FHOD3: variants seen among roughly 807,000 people sequenced by gnomAD.
The protein encoded by FHOD3 is FH1/FH2 domain-containing protein 3.
A neutral mutation model predicts 173.0 loss-of-function variants in FHOD3; 90 were observed. The observed-to-expected ratio is 0.52, with a 90% CI of 0.44 to 0.62. The LOEUF (loss-of-function observed/expected upper bound fraction) is 0.62. Among genes scored for constraint, FHOD3 ranks in the 20% least tolerant of loss-of-function variants. The pLI is 0.00. For missense variants in FHOD3, 1,945 were observed against 2,034.7 expected (o/e 0.96, Z 0.85); for synonymous variants, 828 against 823.0 (o/e 1.01, Z -0.10).
intron 3 of FHOD3, among the ~76,000 whole-genome samples, chr18:36,460,852 GATT>G (rs376627403): frequency 1.3e-5 from 2 of 152,324 alleles, no homozygotes; most frequent in Non-Finnish European, 2.9e-5. Flanking sequence ...GCACAGAGGA[GATT>G]ATTATTAGGT....
chr18:36,670,032 T>C (rs896432992), intron 14 of FHOD3, among the ~76,000 whole-genome samples: 4 of 152,032 alleles, frequency 2.6e-5, no homozygotes, highest in African/African-American at 9.7e-5. Context: ...AGCGTTTTTT[T>C]TTCTTTCAGT....
chr18:36,472,651 CA>C (rs2053348551), intron 3 of FHOD3, among the ~76,000 whole-genome samples: 2 of 152,336 alleles, frequency 1.3e-5, no homozygotes, highest in South Asian at 4.1e-4. Flanking sequence ...TTCATATATA[CA>C]GAATCATATA....
At chr18:36,626,129 G>A (rs1175776456) in intron 10 of FHOD3, among the ~76,000 whole-genome samples, 1 of 152,092 alleles carries the variant, frequency 6.6e-6, no homozygotes, top group African/African-American at 2.4e-5. Context: ...GAAGAGTCTC[G>A]CGATACTCCT....
intron 1 of FHOD3, among the ~76,000 whole-genome samples, chr18:36,304,597 C>A (rs979691030): frequency 2.6e-5 from 4 of 152,034 alleles, no homozygotes; most frequent in African/African-American, 9.7e-5. Flanking sequence ...TCTTCCCACC[C>A]TGATTGTTGT....
intron 3 of FHOD3, among the ~76,000 whole-genome samples, chr18:36,456,240 T>C (rs1438365774): frequency 6.6e-6 from 1 of 152,144 alleles, no homozygotes; most frequent in Non-Finnish European, 1.5e-5. Flanking sequence ...TTTCCATCTT[T>C]GCATGACCTT....
chr18:36,725,979 A>G (rs948470500), intron 19 of FHOD3, among the ~76,000 whole-genome samples: 1 of 152,070 alleles, frequency 6.6e-6, no homozygotes, highest in Non-Finnish European at 1.5e-5. Context: ...TTTTAAGAAC[A>G]TGTTTGACAC....
chr18:36,747,408 T>A (rs2042201217), intron 24 of FHOD3, among the ~76,000 whole-genome samples: 1 of 152,224 alleles, frequency 6.6e-6, no homozygotes, highest in Non-Finnish European at 1.5e-5. Context: ...CTGTAAGATT[T>A]CTAACAAATT....
At position 36,544,842 on chromosome 18, in the gene FHOD3, C is replaced by A. The variant is rs113214903; in HGVS notation, c.512-31609C>A. Among the ~76,000 whole-genome samples, 250 of 152,240 alleles carry A rather than the reference C, an allele frequency of 1.6e-3. 3 individuals carry two copies. The highest frequency in any genetic ancestry group is 5.9e-3 in the African/African-American group (245 of 41,542). The stretch of plus-strand genomic sequence containing the variant: ...GGTACTTTTCCAGCAATATAAAAAG[C>A]TTTGAACAGAGAAATTTTACAGATG... On this transcript the variant is annotated intron_variant, in intron 5 of 28. Transcript: ENST00000590592.
chr18:36,308,945 G>A (rs1227281695), intron 1 of FHOD3, among the ~76,000 whole-genome samples: 1 of 152,194 alleles, frequency 6.6e-6, no homozygotes, highest in African/African-American at 2.4e-5. Context: ...GTAGGTGAGT[G>A]TGGTAGAACC....
In FHOD3 at chr18:36,744,100, G is replaced by A. The variant is rs2042036297; in HGVS notation, c.3948G>A (p.Ser1316=). 3 of 1,614,164 alleles carry A rather than the reference G, an allele frequency of 1.9e-6. No homozygotes were observed. Among genetic ancestry groups the A allele is most frequent in the East Asian group, 4.5e-5 (2 of 44,872 alleles). The change falls in exon 23 of 29, where the codon TCG becomes TCA. Residue 1316 remains serine, a synonymous_variant. Coordinates refer to ENST00000590592, the MANE Select transcript of FHOD3 (RefSeq NM_001281740.3). ...PEVKDTVHKQ[S]LLHHVCTMVV... ...TCAAAGACACAGTGCACAAGCAGTC[G>A]CTTCTCCACCATGTGTGCACCATGG...
At chr18:36,635,796 C>T (rs1019442488) in intron 10 of FHOD3, among the ~76,000 whole-genome samples, 6 of 152,134 alleles carry the variant, frequency 3.9e-5, no homozygotes, top group Admixed American at 3.3e-4. Flanking sequence ...GAGGCCCTAA[C>T]CCAGGAAAAA....
chr18:36,419,081 A>G (rs1277996651), intron 3 of FHOD3, among the ~76,000 whole-genome samples: 1 of 152,240 alleles, frequency 6.6e-6, no homozygotes, highest in East Asian at 1.9e-4. Flanking sequence ...ATCATGGTCT[A>G]TTACTTTTAT....
At chr18:36,648,689 A>G (rs1247310465) in intron 10 of FHOD3, among the ~76,000 whole-genome samples, 1 of 152,110 alleles carries the variant, frequency 6.6e-6, no homozygotes, top group Admixed American at 6.6e-5. Context: ...CAGGTGTGAT[A>G]TGAATTGGCC....
intron 28 of FHOD3, among the ~76,000 whole-genome samples, chr18:36,769,837 A>T (rs1045125050): frequency 1.3e-5 from 2 of 152,102 alleles, no homozygotes; most frequent in Non-Finnish European, 2.9e-5. Flanking sequence ...GGGGCTGGAG[A>T]CTGGCCTCTC....
intron 3 of FHOD3, among the ~76,000 whole-genome samples, chr18:36,461,728 A>G (rs1289427183): frequency 6.6e-6 from 1 of 152,158 alleles, no homozygotes; most frequent in Non-Finnish European, 1.5e-5. Flanking sequence ...TTACCAATAA[A>G]TTCTTGGAAT....
intron 5 of FHOD3, among the ~76,000 whole-genome samples, chr18:36,570,249 AC>A (rs2058407334): frequency 6.6e-6 from 1 of 152,054 alleles, no homozygotes; most frequent in African/African-American, 2.4e-5. Context: ...ACTATGAACA[AC>A]TCTCAGCACA....
chr18:36,429,903 C>A (rs1241919721), intron 3 of FHOD3, among the ~76,000 whole-genome samples: 1 of 152,036 alleles, frequency 6.6e-6, no homozygotes, highest in Non-Finnish European at 1.5e-5. Context: ...TGTGGGTGGA[C>A]TTCTGGGGCT....
At chr18:36,362,588 G>A (rs1467964016) in intron 2 of FHOD3, among the ~76,000 whole-genome samples, 3 of 152,164 alleles carry the variant, frequency 2.0e-5, no homozygotes, top group African/African-American at 7.2e-5. Context: ...ATTCCTTGGA[G>A]GGAGCTACAG....
chr18:36,587,530 G>T (rs929025288), intron 6 of FHOD3, among the ~76,000 whole-genome samples: 2 of 152,190 alleles, frequency 1.3e-5, no homozygotes, highest in African/African-American at 4.8e-5. Flanking sequence ...GGTGGCTCAC[G>T]CCTGTAATCC....
Sources: gnomAD v4.1 joint callset for allele counts (sites outside exome capture counted in the v4.1 genomes callset) on GRCh38, gnomAD v4.1.1 for gene constraint, MANE v1.5 for transcripts, NCBI Gene and HGNC (gene_info 2026-07-23, HGNC 2026-07-21) for gene names.